Variants in SS18 observed in about 807,000 individuals in gnomAD.
SS18 encodes protein SSXT.
SS18 carries 28 observed loss-of-function variants against 72.5 expected under a neutral mutation model. The observed-to-expected ratio is 0.39, with a 90% confidence interval of 0.29 to 0.53. SS18 has a LOEUF of 0.53. Ranked by LOEUF, SS18 falls within the 20% of genes least tolerant of loss-of-function variation. The pLI is 0.76. For missense variants in SS18, 518 were observed against 535.3 expected, an observed-to-expected ratio of 0.97 and a Z score of 0.32; for synonymous variants, 172 against 164.2, an observed-to-expected ratio of 1.05 and a Z score of -0.37.
intron 3 of SS18, among the ~76,000 whole-genome samples, chr18:26,071,373 A>G (rs1391075476): frequency 1.3e-5 from 2 of 152,158 alleles, no homozygotes; most frequent in East Asian, 3.8e-4. Flanking sequence ...ACAAAGCAAA[A>G]CTCTTAAATG....
intron 4 of SS18, among the ~76,000 whole-genome samples, chr18:26,053,130 T>C (rs1014509657): frequency 6.6e-6 from 1 of 152,168 alleles, no homozygotes; most frequent in Non-Finnish European, 1.5e-5. Flanking sequence ...TTGGAGTAAT[T>C]AACTATGAAC....
At chr18:26,053,478 T>C (rs1164230266) in intron 4 of SS18, among the ~76,000 whole-genome samples, 1 of 151,896 alleles carries the variant, frequency 6.6e-6, no homozygotes, top group African/African-American at 2.4e-5. Context: ...ATTGATAAAT[T>C]AGACTATACA....
chr18:26,077,729 C>CA (rs2144138612), intron 3 of SS18, among the ~76,000 whole-genome samples: 1 of 152,206 alleles, frequency 6.6e-6, no homozygotes, highest in African/African-American at 2.4e-5. Flanking sequence ...TCCTGTCTGA[C>CA]AGAGATGCAT....
At chr18:26,019,360 G>A (rs532891126) in intron 10 of SS18, among the ~76,000 whole-genome samples, 3 of 151,990 alleles carry the variant, frequency 2.0e-5, no homozygotes, top group Non-Finnish European at 2.9e-5. Context: ...CTCTCTCCAC[G>A]TCACAACAAT....
At position 26,072,684 on chromosome 18, in the gene SS18, C is replaced by A. The variant is rs1456608667; in HGVS notation, c.231+5392G>T. Among the ~76,000 whole-genome samples, 3 of 148,778 alleles carry A rather than the reference C, an allele frequency of 2.0e-5. No individual in the cohort carries two copies. The East Asian group carries it at 6.0e-4, about 30-fold the overall frequency. The stretch of plus-strand genomic sequence containing the variant: ...TAGTGGCGGGCGCCTGTAGTCCCAG[C>A]TACTAGGGAGGCTGAAGTAGAAGAA... On this transcript the variant is annotated intron_variant, in intron 3 of 10. Transcript: ENST00000415083.
chr18:26,080,678 A>G (rs896220748), intron 2 of SS18, among the ~76,000 whole-genome samples: 1 of 152,230 alleles, frequency 6.6e-6, no homozygotes, highest in African/African-American at 2.4e-5. Context: ...AAATAATTTT[A>G]AACTTACAGA....
In SS18 at chr18:26,066,254, G is replaced by A. The variant is rs766721456; in HGVS notation, c.232-8512C>T. On this transcript the variant is annotated intron_variant, in intron 3 of 10. Coordinates refer to ENST00000415083, the MANE Select transcript of SS18 (RefSeq NM_001007559.3). ...CCCAATCATCTAGTAGCAAATAGAG[G>A]TACTCGATAAATATTTGTTGAATGA... Among the ~76,000 whole-genome samples, 87 of 151,982 alleles carry A rather than the reference G, an allele frequency of 5.7e-4. 1 individual carries two copies. Among genetic ancestry groups the A allele is most frequent in the Non-Finnish European group, 6.5e-4 (44 of 67,938 alleles).
chr18:26,074,941 A>G (rs2054384917), intron 3 of SS18, among the ~76,000 whole-genome samples: 1 of 151,932 alleles, frequency 6.6e-6, no homozygotes, highest in Non-Finnish European at 1.5e-5. Context: ...CATTAGGAAA[A>G]TAAGATTATT....
At chr18:26,026,170 G>A (rs2053443168) in intron 10 of SS18, among the ~76,000 whole-genome samples, 1 of 152,154 alleles carries the variant, frequency 6.6e-6, no homozygotes, top group African/African-American at 2.4e-5. Flanking sequence ...TGACTGGCTA[G>A]ATTTTTATAG....
chr18:26,035,973 G>T lies in SS18; in HGVS notation c.881-50C>A. On this transcript the variant is annotated intron_variant, in intron 7 of 10. Coordinates refer to ENST00000415083, the MANE Select transcript of SS18 (RefSeq NM_001007559.3). The surrounding 1 kb of genome is among the most constrained non-coding windows in gnomAD (Gnocchi z 4.4). ...GAAGAAACGTTAATGGCCACTGAGT[G>T]AAAACCCTAAAAATATTTAAACTTT... 9.1e-7 allele frequency: 1 copy of T among 1,101,444 alleles called. No homozygotes were observed. Among genetic ancestry groups the T allele is most frequent in the Non-Finnish European group, 1.3e-6 (1 of 752,232 alleles). The allele number at this position is 1,101,444 out of a possible 1,614,324, so 68.2% of individuals were successfully genotyped here.
In SS18 at chr18:26,061,307, C is replaced by T. The variant is rs184717496; in HGVS notation, c.232-3565G>A. Among the ~76,000 whole-genome samples the T allele has an allele frequency of 2.4e-4, 37 of 151,858 alleles. 1 individual carries two copies. The highest frequency in any genetic ancestry group is 7.5e-4 in the African/African-American group (31 of 41,350). ...CAGCCTGGGCCACAGAGCGAGACTC[C>T]GTCTCAAAAAATAAATAAATAAATA... On this transcript the variant is annotated intron_variant, in intron 3 of 10. Transcript: ENST00000415083.
intron 3 of SS18, among the ~76,000 whole-genome samples, chr18:26,063,302 G>A (rs1170969282): frequency 4.6e-5 from 7 of 152,140 alleles, no homozygotes; most frequent in East Asian, 1.9e-4. Flanking sequence ...GGTGGATCAC[G>A]AGGTCAGGAG....
intron 5 of SS18, among the ~76,000 whole-genome samples, chr18:26,043,985 T>C (rs2053775147): frequency 1.3e-5 from 2 of 152,206 alleles, no homozygotes; most frequent in Non-Finnish European, 1.5e-5. Flanking sequence ...TTACACACAG[T>C]TATTCATACT....
chr18:26,053,977 G>A (rs556366986), intron 4 of SS18, among the ~76,000 whole-genome samples: 6 of 152,106 alleles, frequency 3.9e-5, no homozygotes, highest in African/African-American at 9.7e-5. Context: ...GTGGGAGATT[G>A]GTTCCAGAAC....
upstream of SS18, chr18:26,090,737 C>T: frequency 1.5e-6 from 1 of 671,352 alleles, no homozygotes; most frequent in Non-Finnish European, 2.5e-6. Context: ...GGCACTCTGG[C>T]CAGGGATGTC....
chr18:26,086,029 T>C (rs764800577), intron 2 of SS18: 28 of 141,512 alleles, frequency 2.0e-4, no homozygotes, highest in Non-Finnish European at 2.8e-4. Flanking sequence ...CAACCATGCA[T>C]TGAAAATATT....
At chr18:26,090,627 G>C (rs914386792), upstream of SS18, 3 of 1,514,216 alleles carry the variant, frequency 2.0e-6, no homozygotes, top group Admixed American at 2.0e-5. Flanking sequence ...CGGCAAACTG[G>C]GGGAGAGACG....
chr18:26,054,267 A>C (rs1462570483), intron 4 of SS18, among the ~76,000 whole-genome samples: 2 of 152,212 alleles, frequency 1.3e-5, no homozygotes, highest in Non-Finnish European at 2.9e-5. Flanking sequence ...TGTGAAATTC[A>C]TAAATGCAGA....
At chr18:26,066,600 GCA>G (rs35011668) in intron 3 of SS18, among the ~76,000 whole-genome samples, 2,969 of 143,786 alleles carry the variant, frequency 0.021, 39 homozygotes, top group African/African-American at 0.033. Context: ...GGAAATTTGT[GCA>G]CACACACACA....
Sources: gnomAD v4.1 joint callset for allele counts (sites outside exome capture counted in the v4.1 genomes callset) on GRCh38, gnomAD v4.1.1 for gene constraint, Gnocchi (gnomAD v3.1) non-coding constraint, MANE v1.5 for transcripts, NCBI Gene and HGNC (gene_info 2026-07-23, HGNC 2026-07-21) for gene names.